The following ZCWPW2 variants were observed in gnomAD, a reference collection of about 807,000 sequenced individuals.
ZCWPW2 encodes the protein zinc finger CW-type and PWWP domain containing 2, also known as zinc finger CW-type PWWP domain protein 2.
In ZCWPW2, 45 loss-of-function variants were observed where a neutral mutation model predicts 46.6. That is an observed-to-expected ratio of 0.96 (90% CI 0.76 to 1.24). The LOEUF is 1.24. Among genes scored for constraint, ZCWPW2 ranks in the 50% most tolerant of loss-of-function variants. The pLI, the probability that ZCWPW2 is intolerant of heterozygous loss-of-function variation, is 0.00. For missense variants in ZCWPW2, 429 were observed against 403.9 expected (o/e 1.06, Z -0.53); for synonymous variants, 152 against 137.1 (o/e 1.11, Z -0.76).
At chr3:28,381,000 G>GTATA (rs376030289) in intron 1 of ZCWPW2, among the ~76,000 whole-genome samples, 139 of 4,550 alleles carry the variant, frequency 0.031, 32 homozygotes, top group African/African-American at 0.036. Context: ...TATATATTTG[G>GTATA]TATATATATA....
In ZCWPW2 at chr3:28,492,165, A is replaced by C; in HGVS notation, c.649A>C (p.Lys217Gln). 1 of 1,608,046 alleles carries C rather than the reference A, an allele frequency of 6.2e-7. No individual in the cohort carries two copies. Among genetic ancestry groups the C allele is most frequent in the Non-Finnish European group, 8.5e-7 (1 of 1,177,344 alleles). Reference sequence around the variant, plus strand: ...ACATGACAAAGTTGCTGCACTGGTCAAGAAAAGGGTAAGATTGTGTTTTAT... The same window carrying C: ...ACATGACAAAGTTGCTGCACTGGTCCAGAAAAGGGTAAGATTGTGTTTTAT... ...ETHDKVAALV[K>Q]KRKQTSKNNI... The change falls in exon 6 of 10, where the codon AAG (lysine) becomes CAG (glutamine). Residue 217 changes from lysine (K) to glutamine (Q), a missense_variant. Coordinates refer to ENST00000383768, the MANE Select transcript of ZCWPW2 (RefSeq NM_001040432.4).
At chr3:28,400,030 A>G (rs987049834) in intron 2 of ZCWPW2, among the ~76,000 whole-genome samples, 21 of 152,186 alleles carry the variant, frequency 1.4e-4, no homozygotes, top group Admixed American at 1.2e-3. Flanking sequence ...AATAAAAAAA[A>G]ATGATACAAG....
chr3:28,357,047 C>G (rs1704762828), intron 1 of ZCWPW2, among the ~76,000 whole-genome samples: 1 of 151,176 alleles, frequency 6.6e-6, no homozygotes, highest in South Asian at 2.1e-4. Context: ...TTATTTTTTG[C>G]CAATAGTTTC....
chr3:28,525,742 A>G lies in ZCWPW2; in HGVS notation c.*1054A>G, dbSNP rs953509103. Among the ~76,000 whole-genome samples the G allele has an allele frequency of 3.9e-5, 6 of 152,214 alleles. No homozygotes were observed. The highest frequency in any genetic ancestry group is 1.2e-4 in the African/African-American group (5 of 41,466). On this transcript the variant is annotated 3_prime_UTR_variant, in exon 10 of 10. Coordinates refer to ENST00000383768, the MANE Select transcript of ZCWPW2 (RefSeq NM_001040432.4). ...CTTCTTTTAAGTATTTTTAGATTCTATGATAATTACGTAGAGTGGAGAGTG... is the reference window on the plus strand; with the variant it reads ...CTTCTTTTAAGTATTTTTAGATTCTGTGATAATTACGTAGAGTGGAGAGTG...
chr3:28,412,949 G>A (rs1690825637), intron 2 of ZCWPW2, 107 bp from the exon 3 acceptor site: 1 of 773,086 alleles, frequency 1.3e-6, no homozygotes, highest in Non-Finnish European at 2.0e-6. Context: ...GAGAGGGGGT[G>A]GGCATAGAAG....
chr3:28,436,530 A>G (rs926163754), intron 4 of ZCWPW2, among the ~76,000 whole-genome samples: 5 of 152,086 alleles, frequency 3.3e-5, no homozygotes, highest in African/African-American at 1.2e-4. Context: ...TTTAATCCAC[A>G]GTAAAATTAA....
chr3:28,519,986 C>A (rs185467919), intron 8 of ZCWPW2, among the ~76,000 whole-genome samples: 49 of 151,058 alleles, frequency 3.2e-4, no homozygotes, highest in African/African-American at 1.2e-3. Flanking sequence ...CAATGAATTA[C>A]CAGATTTTTT....
chr3:28,452,308 A>G (rs984361154), intron 4 of ZCWPW2, among the ~76,000 whole-genome samples: 2 of 152,114 alleles, frequency 1.3e-5, no homozygotes, highest in Admixed American at 6.5e-5. Context: ...ATTTTGAGAC[A>G]GAGCCTCACT....
intron 5 of ZCWPW2, among the ~76,000 whole-genome samples, chr3:28,483,584 A>G (rs1465638543): frequency 6.6e-6 from 1 of 152,230 alleles, no homozygotes; most frequent in African/African-American, 2.4e-5. Flanking sequence ...AAGAACTGAC[A>G]TCTTGACCAT....
chr3:28,364,533 GT>G (rs1705054835), intron 1 of ZCWPW2, among the ~76,000 whole-genome samples: 1 of 151,966 alleles, frequency 6.6e-6, no homozygotes, highest in Non-Finnish European at 1.5e-5. Context: ...TCTCCATACT[GT>G]TTTTCATACT....
intron 3 of ZCWPW2, among the ~76,000 whole-genome samples, chr3:28,420,620 T>C (rs1696732958): frequency 6.6e-6 from 1 of 152,042 alleles, no homozygotes; most frequent in Non-Finnish European, 1.5e-5. Flanking sequence ...TTTCTTAATT[T>C]CTATTTTCTC....
At position 28,515,544 on chromosome 3, in the gene ZCWPW2, C is replaced by A. The variant is rs1700538077; in HGVS notation, c.717-10C>A. The A allele has an allele frequency of 6.3e-7, 1 of 1,593,088 alleles. No homozygotes were observed. Among genetic ancestry groups the A allele is most frequent in the Non-Finnish European group, 8.6e-7 (1 of 1,164,586 alleles). ...CTTTTGAAACTAAATCTGTCAAATT[C>A]TTTTTCTAGGAAAGCAATTTTAAAA... On this transcript the variant is annotated splice_polypyrimidine_tract_variant and intron_variant, in intron 7 of 9. Coordinates refer to ENST00000383768, the MANE Select transcript of ZCWPW2 (RefSeq NM_001040432.4).
intron 4 of ZCWPW2, among the ~76,000 whole-genome samples, chr3:28,467,721 C>T (rs1380705484): frequency 6.6e-6 from 1 of 152,158 alleles, no homozygotes. Context: ...TCTTCTAGAT[C>T]TTATCCAACA....
At chr3:28,391,744 C>A (rs969138403) in intron 2 of ZCWPW2, among the ~76,000 whole-genome samples, 1 of 152,122 alleles carries the variant, frequency 6.6e-6, no homozygotes, top group African/African-American at 2.4e-5. Flanking sequence ...TAACCAATAA[C>A]ATTGCCACTG....
At chr3:28,378,779 G>A (rs1310150070) in intron 1 of ZCWPW2, among the ~76,000 whole-genome samples, 1 of 151,992 alleles carries the variant, frequency 6.6e-6, no homozygotes. Context: ...TCTCTTTGAC[G>A]AGTGTTCATT....
intron 1 of ZCWPW2, among the ~76,000 whole-genome samples, chr3:28,364,272 T>C (rs1705042575): frequency 6.6e-6 from 1 of 152,212 alleles, no homozygotes; most frequent in Non-Finnish European, 1.5e-5. Context: ...TATCCAACTG[T>C]TAAGTGTGCA....
At chr3:28,482,541 G>A (rs1239260877) in intron 5 of ZCWPW2, among the ~76,000 whole-genome samples, 1 of 152,120 alleles carries the variant, frequency 6.6e-6, no homozygotes, top group Non-Finnish European at 1.5e-5. Context: ...TGATCATATG[G>A]TGAGATATGT....
intron 1 of ZCWPW2, among the ~76,000 whole-genome samples, chr3:28,355,819 C>T (rs148548702): frequency 1.3e-5 from 2 of 152,204 alleles, no homozygotes; most frequent in Non-Finnish European, 2.9e-5. Context: ...AAACTGGATC[C>T]CTTCCTTACA....
rs1276220401 is a variant in ZCWPW2 at position 28,356,787 on chromosome 3, AGGT to A, written c.-134+7587_-134+7589del. Among the ~76,000 whole-genome samples, 4 of 152,190 alleles carry A rather than the reference AGGT, an allele frequency of 2.6e-5. 1 individual carries two copies. The highest frequency in any genetic ancestry group is 7.2e-5 in the African/African-American group (3 of 41,446). Reference sequence around the variant, plus strand: ...CCAAACACCGCATGTTCTCACTCATAGGTGGGAATTGAACAATGAGAACACTTG... The same window carrying A: ...CCAAACACCGCATGTTCTCACTCATAGGGAATTGAACAATGAGAACACTTG... On this transcript the variant is annotated intron_variant, in intron 1 of 9. Coordinates refer to ENST00000383768, the MANE Select transcript of ZCWPW2 (RefSeq NM_001040432.4).
Sources: gnomAD v4.1 joint callset for allele counts (sites outside exome capture counted in the v4.1 genomes callset) on GRCh38, gnomAD v4.1.1 for gene constraint, MANE v1.5 for transcripts, NCBI Gene and HGNC (gene_info 2026-07-23, HGNC 2026-07-21) for gene names.